DDAH1: variants seen among roughly 807,000 people sequenced by gnomAD.
DDAH1 encodes N(G),N(G)-dimethylarginine dimethylaminohydrolase 1.
DDAH1 carries 19 observed loss-of-function variants against 28.8 expected under a neutral mutation model. The observed-to-expected ratio is 0.66, with a 90% CI of 0.46 to 0.97. The LOEUF is 0.97. Ranked by LOEUF, DDAH1 falls within the 50% of genes least tolerant of loss-of-function variation. The pLI is 0.00. For missense variants in DDAH1, 326 were observed against 375.9 expected (o/e 0.87, Z 1.10); for synonymous variants, 153 against 154.4 (o/e 0.99, Z 0.07).
rs553974119 is a variant in DDAH1, at chr1:85,484,403, C to T, written c.-7+11763G>A. On this transcript the variant is annotated intron_variant, in intron 2 of 6. Transcript: ENST00000426972. ...CAATTTCCATAAAGTGACAGATAAG[C>T]GGTTTTAGGGGGAAAAATGCTGCCA... Among the ~76,000 whole-genome samples, 24 of 152,042 alleles carry T rather than the reference C, an allele frequency of 1.6e-4. No individual in the cohort carries two copies. The South Asian group carries it at 4.0e-3, about 25-fold the overall frequency.
At chr1:85,524,487 G>C (rs1381427074) in intron 1 of DDAH1, among the ~76,000 whole-genome samples, 1 of 151,458 alleles carries the variant, frequency 6.6e-6, no homozygotes, top group Non-Finnish European at 1.5e-5. Flanking sequence ...AGGAAATACT[G>C]TATCTGATAA....
At chr1:85,575,161 G>T (rs1659567590) in intron 1 of DDAH1, among the ~76,000 whole-genome samples, 1 of 152,110 alleles carries the variant, frequency 6.6e-6, no homozygotes, top group South Asian at 2.1e-4. Flanking sequence ...AGCCCAGGAG[G>T]TCAAGGCTAT....
intron 1 of DDAH1, among the ~76,000 whole-genome samples, chr1:85,563,938 C>T (rs1659211316): frequency 6.6e-6 from 1 of 152,128 alleles, no homozygotes; most frequent in Non-Finnish European, 1.5e-5. Context: ...CTTTGGGAGG[C>T]CAAGTTGGGC....
chr1:85,454,758 GACCCACT>G (rs1210615298), intron 1 of DDAH1, among the ~76,000 whole-genome samples: 6 of 152,170 alleles, frequency 3.9e-5, no homozygotes, highest in Admixed American at 2.0e-4. Flanking sequence ...TTGATTTCAT[GACCCACT>G]AGTGGGTAGA....
At chr1:85,389,268 A>G (rs968763193) in intron 1 of DDAH1, among the ~76,000 whole-genome samples, 4 of 152,220 alleles carry the variant, frequency 2.6e-5, no homozygotes, top group Non-Finnish European at 5.9e-5. Context: ...AACAAACTGG[A>G]AAAAATAAAA....
intron 1 of DDAH1, among the ~76,000 whole-genome samples, chr1:85,397,053 G>GT (rs1417305748): frequency 1.3e-5 from 2 of 150,858 alleles, no homozygotes; most frequent in East Asian, 2.0e-4. Context: ...AAAAAAAAAG[G>GT]TTTTTCAAAA....
chr1:85,334,991 G>A (rs1648017612), intron 4 of DDAH1, among the ~76,000 whole-genome samples: 1 of 152,142 alleles, frequency 6.6e-6, no homozygotes, highest in Non-Finnish European at 1.5e-5. Context: ...ACCAAAAACT[G>A]AGGGAATTCA....
At chr1:85,439,375 G>A (rs988910847) in intron 1 of DDAH1, among the ~76,000 whole-genome samples, 3 of 152,196 alleles carry the variant, frequency 2.0e-5, no homozygotes, top group South Asian at 2.1e-4. Flanking sequence ...AGTAACATGC[G>A]AGTAAATGTC....
intron 1 of DDAH1, among the ~76,000 whole-genome samples, chr1:85,426,350 C>G (rs1210688041): frequency 2.0e-5 from 3 of 152,126 alleles, no homozygotes; most frequent in Admixed American, 1.3e-4. Context: ...AATGAAAGTG[C>G]TTTGTAAACT....
intron 1 of DDAH1, among the ~76,000 whole-genome samples, chr1:85,511,279 A>G (rs1657220656): frequency 6.6e-6 from 1 of 152,240 alleles, no homozygotes; most frequent in African/African-American, 2.4e-5. Context: ...GAAGGCAGAA[A>G]TAAAGATGTT....
chr1:85,559,503 A>G (rs1659079258), intron 1 of DDAH1, among the ~76,000 whole-genome samples: 1 of 152,202 alleles, frequency 6.6e-6, no homozygotes, highest in African/African-American at 2.4e-5. Flanking sequence ...AAAAGAGGAA[A>G]AAAATCGATC....
intron 1 of DDAH1, among the ~76,000 whole-genome samples, chr1:85,546,825 G>T (rs1658642070): frequency 6.6e-6 from 1 of 152,058 alleles, no homozygotes; most frequent in South Asian, 2.1e-4. Context: ...AAAAAAAGAA[G>T]AAATAAATAA....
intron 1 of DDAH1, among the ~76,000 whole-genome samples, chr1:85,496,679 C>T (rs1297316828): frequency 3.3e-5 from 5 of 152,190 alleles, no homozygotes; most frequent in African/African-American, 1.2e-4. Flanking sequence ...AGCAGACTCA[C>T]AATGATGTAC....
At chr1:85,546,941 C>T (rs1390435753) in intron 1 of DDAH1, among the ~76,000 whole-genome samples, 1 of 152,122 alleles carries the variant, frequency 6.6e-6, no homozygotes, top group Non-Finnish European at 1.5e-5. Context: ...ATATTATAGG[C>T]TTTCTGGGAT....
intron 1 of DDAH1, among the ~76,000 whole-genome samples, chr1:85,574,361 A>G (rs539911881): frequency 1.3e-5 from 2 of 152,356 alleles, no homozygotes; most frequent in South Asian, 2.1e-4. Flanking sequence ...CAAAGTTCCA[A>G]TGCCATGACA....
At chr1:85,546,029 G>C (rs1658612753) in intron 1 of DDAH1, among the ~76,000 whole-genome samples, 1 of 151,862 alleles carries the variant, frequency 6.6e-6, no homozygotes, top group Admixed American at 6.6e-5. Flanking sequence ...TTCTGCGGTG[G>C]TTGTGAAGAT....
chr1:85,528,899 C>T lies in DDAH1; in HGVS notation c.-122-32618G>A, dbSNP rs531813496. Among the ~76,000 whole-genome samples, 289 of 150,604 alleles carry T rather than the reference C, an allele frequency of 1.9e-3. 5 individuals carry two copies. Among genetic ancestry groups the T allele is most frequent in the East Asian group, 0.016 (82 of 5,110 alleles). ...CGAGGCAGGAGAATCGCTTGAACCC[C>T]GGAGAGGGAGGTTGCAGTGAGCCGA... On this transcript the variant is annotated intron_variant, in intron 1 of 6. Transcript: ENST00000426972.
chr1:85,350,760 CTGTT>C (rs1649150905), intron 3 of DDAH1, among the ~76,000 whole-genome samples: 1 of 152,100 alleles, frequency 6.6e-6, no homozygotes. Context: ...TCTTTGCTGG[CTGTT>C]TGATCTATGG....
chr1:85,337,266 CA>C (rs1180971074), intron 4 of DDAH1, among the ~76,000 whole-genome samples: 1 of 152,058 alleles, frequency 6.6e-6, no homozygotes, highest in South Asian at 2.1e-4. Flanking sequence ...TGTGATTATA[CA>C]ATGTCAAACA....
Sources: gnomAD v4.1 joint callset for allele counts (sites outside exome capture counted in the v4.1 genomes callset) on GRCh38, gnomAD v4.1.1 for gene constraint, MANE v1.5 for transcripts, NCBI Gene and HGNC (gene_info 2026-07-23, HGNC 2026-07-21) for gene names.